Variants in PRKG1 observed in about 807,000 individuals in gnomAD.
The protein encoded by PRKG1 is cGMP-dependent protein kinase 1.
PRKG1 carries 35 observed loss-of-function variants against 88.1 expected under a neutral mutation model. That is an observed-to-expected ratio of 0.40 (90% confidence interval 0.30 to 0.53). The LOEUF (loss-of-function observed/expected upper bound fraction) is 0.53, where lower values mean the gene tolerates loss of function less well. Among genes scored for constraint, PRKG1 ranks in the 20% least tolerant of loss-of-function variants. PRKG1 has a pLI of 0.59. For synonymous variants in PRKG1, 303 were observed against 292.5 expected, an observed-to-expected ratio of 1.04 and a Z score of -0.37; for missense variants, 540 against 839.8, an observed-to-expected ratio of 0.64 and a Z score of 4.41.
chr10:51,097,838 T>C (rs1844573323), intron 1 of PRKG1, among the ~76,000 whole-genome samples: 1 of 152,216 alleles, frequency 6.6e-6, no homozygotes, highest in African/African-American at 2.4e-5. Flanking sequence ...CGAGAGATTT[T>C]TATCTCTCAA....
chr10:51,137,636 G>T (rs1323787894), intron 1 of PRKG1, among the ~76,000 whole-genome samples: 1 of 152,130 alleles, frequency 6.6e-6, no homozygotes, highest in Non-Finnish European at 1.5e-5. Flanking sequence ...AGCCAGTAAA[G>T]AAATAAAGGA....
intron 2 of PRKG1, among the ~76,000 whole-genome samples, chr10:51,249,520 T>C (rs918818657): frequency 2.0e-5 from 3 of 151,882 alleles, no homozygotes; most frequent in Non-Finnish European, 2.9e-5. Flanking sequence ...TTAATTGATA[T>C]ATTCTAATCA....
upstream of PRKG1, among the ~76,000 whole-genome samples, chr10:51,070,708 G>A (rs1843814368): frequency 1.3e-5 from 2 of 152,146 alleles, no homozygotes; most frequent in African/African-American, 4.8e-5. Context: ...AAATGATTCT[G>A]AGAATCCATT....
At position 50,991,732 on chromosome 10, in the gene PRKG1, G is replaced by T; in HGVS notation, c.266+88G>T. On this transcript the variant is annotated intron_variant, in intron 1 of 17. Coordinates refer to the PRKG1 transcript ENST00000401604. This position sits in a 1 kb window ranked among gnomAD's most constrained non-coding sequence, Gnocchi z 4.5. ...CTGGCCGCGGCGGCGGGGGCGGGTCGGCCCAGGGCGCCCCCTGCTCGCTGC... is the reference window on the plus strand; with the variant it reads ...CTGGCCGCGGCGGCGGGGGCGGGTCTGCCCAGGGCGCCCCCTGCTCGCTGC... 9.9e-7 allele frequency: 1 copy of T among 1,013,942 alleles called. No individual in the cohort carries two copies. The highest frequency in any genetic ancestry group is 1.2e-6 in the Non-Finnish European group (1 of 831,550). 62.8% of individuals were successfully genotyped at this position (1,013,942 alleles called of 1,614,324 possible). A position where few individuals can be genotyped will look rare whatever the true frequency, so the allele number is the denominator to read the frequency against.
intron 2 of PRKG1, among the ~76,000 whole-genome samples, chr10:51,272,853 A>G (rs1403751257): frequency 6.6e-6 from 1 of 152,140 alleles, no homozygotes; most frequent in Non-Finnish European, 1.5e-5. Context: ...CCATCTGAGA[A>G]TGAACCAGAA....
At chr10:51,306,542 G>A (rs537174076) in intron 2 of PRKG1, 7 of 152,182 alleles carry the variant, frequency 4.6e-5, no homozygotes, top group Non-Finnish European at 1.0e-4. Context: ...TCCTGTGAGA[G>A]ATGCTAATCG....
At chr10:51,469,913 G>T (rs577185293) in intron 3 of PRKG1, among the ~76,000 whole-genome samples, 3 of 151,844 alleles carry the variant, frequency 2.0e-5, no homozygotes, top group East Asian at 3.9e-4. Context: ...ATATCTGTGC[G>T]CAACTGTTTC....
rs763460888 is a variant in PRKG1 at position 50,991,418 on chromosome 10, C to T, written c.40C>T (p.Leu14Phe). The T allele has an allele frequency of 5.6e-5, 88 of 1,573,742 alleles. No individual in the cohort carries two copies. Among genetic ancestry groups the T allele is most frequent in the Non-Finnish European group, 7.2e-5 (83 of 1,160,746 alleles). ...GGAAGACTTTGCCAAGATTCTCATG[C>T]TCAAGGAGGAGAGGATCAAAGAGCT... Residue 14 changes from leucine to phenylalanine, a missense_variant, in exon 1 of 18, where the codon CTC becomes TTC. Coordinates refer to the PRKG1 transcript ENST00000401604. This position sits in a 1 kb window ranked among gnomAD's most constrained non-coding sequence, Gnocchi z 4.5.
At chr10:52,195,367 G>A (rs986719536) in intron 9 of PRKG1, among the ~76,000 whole-genome samples, 3 of 152,128 alleles carry the variant, frequency 2.0e-5, no homozygotes, top group Middle Eastern at 3.4e-3. Flanking sequence ...TATAATCAAA[G>A]AGCATGCATA....
chr10:52,188,316 ATG>A (rs111599984), intron 9 of PRKG1, among the ~76,000 whole-genome samples: 21,210 of 131,274 alleles, frequency 0.16, 2,561 homozygotes, highest in African/African-American at 0.28. Flanking sequence ...ATATATACAT[ATG>A]TATATATATA....
At chr10:51,308,327 C>T (rs1841092263) in intron 2 of PRKG1, among the ~76,000 whole-genome samples, 1 of 152,238 alleles carries the variant, frequency 6.6e-6, no homozygotes, top group Middle Eastern at 3.4e-3. Flanking sequence ...TATTTAGTCT[C>T]TGGTGATCAT....
At chr10:51,886,249 A>T (rs1365381652) in intron 4 of PRKG1, among the ~76,000 whole-genome samples, 1 of 152,188 alleles carries the variant, frequency 6.6e-6, no homozygotes, top group Non-Finnish European at 1.5e-5. Context: ...AAGGAACCAG[A>T]ACCAAAAATT....
At chr10:51,389,578 T>C (rs1837345737) in intron 2 of PRKG1, among the ~76,000 whole-genome samples, 1 of 152,192 alleles carries the variant, frequency 6.6e-6, no homozygotes, top group Non-Finnish European at 1.5e-5. Context: ...TTCACCCTTC[T>C]ACTTGGTGGG....
intron 3 of PRKG1, among the ~76,000 whole-genome samples, chr10:51,620,003 T>C (rs553767968): frequency 9.2e-5 from 14 of 152,278 alleles, no homozygotes; most frequent in African/African-American, 3.1e-4. Flanking sequence ...TAATTTGAAT[T>C]CATTTCATGG....
At chr10:51,107,614 G>T (rs1466494414) in intron 1 of PRKG1, among the ~76,000 whole-genome samples, 5 of 151,708 alleles carry the variant, frequency 3.3e-5, no homozygotes, top group Admixed American at 2.6e-4. Flanking sequence ...AGGCAGGAGG[G>T]TCACCAGGAG....
intron 3 of PRKG1, chr10:51,699,610 G>A (rs1275974847): frequency 6.5e-7 from 1 of 1,533,332 alleles, no homozygotes; most frequent in Non-Finnish European, 8.8e-7. Flanking sequence ...TCTTGCGACC[G>A]ACACTTCCGC....
chr10:51,431,672 G>A (rs954811512), intron 2 of PRKG1, among the ~76,000 whole-genome samples: 2 of 152,264 alleles, frequency 1.3e-5, no homozygotes, highest in Non-Finnish European at 2.9e-5. Context: ...ACAAATGCCA[G>A]TGCAACAAGA....
chr10:51,342,410 C>A (rs1482212059), intron 2 of PRKG1, among the ~76,000 whole-genome samples: 1 of 152,004 alleles, frequency 6.6e-6, no homozygotes, highest in Non-Finnish European at 1.5e-5. Flanking sequence ...ACAGAAAGGA[C>A]AAGATGTGAT....
intron 2 of PRKG1, among the ~76,000 whole-genome samples, chr10:51,186,976 A>G (rs1047933391): frequency 3.4e-5 from 5 of 145,494 alleles, no homozygotes; most frequent in Admixed American, 2.8e-4. Context: ...ATATATATAT[A>G]TATATATGTA....
Sources: gnomAD v4.1 joint callset for allele counts (sites outside exome capture counted in the v4.1 genomes callset) on GRCh38, gnomAD v4.1.1 for gene constraint, Gnocchi (gnomAD v3.1) non-coding constraint, MANE v1.5 for transcripts, NCBI Gene and HGNC (gene_info 2026-07-23, HGNC 2026-07-21) for gene names.